Variants in MINDY1 observed in about 807,000 individuals in gnomAD.
MINDY1 encodes the protein ubiquitin carboxyl-terminal hydrolase MINDY-1.
MINDY1 carries 50 observed loss-of-function variants against 53.6 expected under a neutral mutation model. The observed-to-expected ratio is 0.93, with a 90% CI of 0.74 to 1.18. The LOEUF (loss-of-function observed/expected upper bound fraction) is 1.18, where lower values mean the gene tolerates loss of function less well. Among genes scored for constraint, MINDY1 ranks in the 50% most tolerant of loss-of-function variants. The pLI is 0.00. For missense variants in MINDY1, 484 were observed against 578.6 expected (o/e 0.84, Z 1.68); for synonymous variants, 231 against 234.7 (o/e 0.98, Z 0.14).
rs771202 is a variant in MINDY1, at chr1:150,997,091, A to G, written c.*196T>C. On this transcript the variant is annotated 3_prime_UTR_variant, in exon 10 of 10. Coordinates refer to ENST00000683666, the MANE Select transcript of MINDY1 (RefSeq NM_001376665.1). Reference sequence around the variant, plus strand: ...CCCACCAATCCTAGTGTTGCCCTGGATGGGAGGCAGAGAAGGCAGCAGCAC... The same window carrying G: ...CCCACCAATCCTAGTGTTGCCCTGGGTGGGAGGCAGAGAAGGCAGCAGCAC... The G allele has an allele frequency of 0.98, 608,565 of 619,378 alleles. 299,732 individuals are homozygous for G. The highest frequency in any genetic ancestry group is 1 in the East Asian group (35,982 of 35,982). The allele number at this position is 619,378 out of a possible 1,614,324, so 38.4% of individuals were successfully genotyped here.
chr1:150,997,136 C>T lies in MINDY1; in HGVS notation c.*151G>A. ...CAGCACGTGAGGTCAAGGACATTAC[C>T]AAGTCTGACCTTGGCATTTGTTGCC... On this transcript the variant is annotated 3_prime_UTR_variant, in exon 10 of 10. Coordinates refer to ENST00000683666, the MANE Select transcript of MINDY1 (RefSeq NM_001376665.1). 2.6e-6 allele frequency: 2 copies of T among 767,196 alleles called. No individual in the cohort carries two copies. The allele number at this position is 767,196 out of a possible 1,614,324, so 47.5% of individuals were successfully genotyped here. A position where few individuals can be genotyped will look rare whatever the true frequency, so the allele number is the denominator to read the frequency against.
In MINDY1 at chr1:150,998,234, G is replaced by T. The variant is rs766767972; in HGVS notation, c.1021C>A (p.Gln341Lys). 6.5e-5 allele frequency: 105 copies of T among 1,614,046 alleles called. No homozygotes were observed. Among genetic ancestry groups the T allele is most frequent in the Non-Finnish European group, 8.6e-5 (101 of 1,180,038 alleles). Residue 341 changes from glutamine to lysine, a missense_variant, in exon 8 of 10, where the codon CAG becomes AAG. By Grantham distance (53) the Gln-to-Lys change is moderately conservative. Transcript: ENST00000683666. ...CTCTCCCATACGACTTGCTCCTCCT[G>T]TAGAAAGCCCTGGTCAGTGACCAGT... ...YLLVTDQGFLQEEQVVWESLH... is the reference protein window; with the variant it reads ...YLLVTDQGFLKEEQVVWESLH...
intron 1 of MINDY1, among the ~76,000 whole-genome samples, chr1:151,003,597 A>G (rs1449749889): frequency 6.6e-6 from 1 of 152,110 alleles, no homozygotes; most frequent in Non-Finnish European, 1.5e-5. Flanking sequence ...TTAAACTGAG[A>G]CAGGGTCTTG....
At chr1:150,998,045 A>C in intron 8 of MINDY1, 37 bp downstream of exon 8, 1 of 1,574,782 alleles carries the variant, frequency 6.4e-7, no homozygotes, top group Non-Finnish European at 8.6e-7. Context: ...TCTGAGGCAC[A>C]TGTGCTCTCT....
rs1401617814 is a variant in MINDY1, at chr1:150,999,987, G to T, written c.736-23C>A. On this transcript the variant is annotated intron_variant, in intron 5 of 9. Coordinates refer to ENST00000683666, the MANE Select transcript of MINDY1 (RefSeq NM_001376665.1). The surrounding 1 kb of genome is among the most constrained non-coding windows in gnomAD (Gnocchi z 4.4). Reference sequence around the variant, plus strand: ...ACTCTGCTTGGGTAGTGGGATGTGGGATACCAAAAAAATTGGGATTTTTTT... The same window carrying T: ...ACTCTGCTTGGGTAGTGGGATGTGGTATACCAAAAAAATTGGGATTTTTTT... 2 of 1,580,248 alleles carry T rather than the reference G, an allele frequency of 1.3e-6. No individual in the cohort carries two copies. Among genetic ancestry groups the T allele is most frequent in the Admixed American group, 1.7e-5 (1 of 57,912 alleles).
intron 7 of MINDY1, 144 bp from the exon 8 acceptor site, chr1:150,998,417 C>G: frequency 1.4e-6 from 1 of 739,128 alleles, no homozygotes; most frequent in Non-Finnish European, 2.2e-6. Context: ...TGCAGTGGCA[C>G]AATCTCTGCT....
intron 5 of MINDY1, 92 bp from the exon 6 acceptor site, chr1:151,000,056 A>C (rs774737788): frequency 6.3e-5 from 57 of 910,408 alleles, no homozygotes; most frequent in Non-Finnish European, 9.5e-5. Context: ...CAAGGACTAC[A>C]ACCCTGTGAT....
Position 151,006,374 on chromosome 1 carries a change from G to A in MINDY1, c.-152C>T. 2.9e-6 allele frequency: 4 copies of A among 1,384,660 alleles called. No homozygotes were observed. Among genetic ancestry groups the A allele is most frequent in the Non-Finnish European group, 3.7e-6 (4 of 1,068,934 alleles). 85.8% of individuals were successfully genotyped at this position (1,384,660 alleles called of 1,614,324 possible). A position where few individuals can be genotyped will look rare whatever the true frequency, so the allele number is the denominator to read the frequency against. On this transcript the variant is annotated 5_prime_UTR_variant, in exon 1 of 10. Coordinates refer to ENST00000683666, the MANE Select transcript of MINDY1 (RefSeq NM_001376665.1). Reference sequence around the variant, plus strand: ...GGGTTCAGCCGTGGCAATGAGATGGGGGAGATAGGTGCAATGAAGGGGGCT... The same window carrying A: ...GGGTTCAGCCGTGGCAATGAGATGGAGGAGATAGGTGCAATGAAGGGGGCT...
chr1:151,000,554 C>T lies in MINDY1; in HGVS notation c.638G>A (p.Arg213Gln), dbSNP rs763180581. The change falls in exon 5 of 10, where the codon CGA becomes CAA. Residue 213 changes from arginine (R) to glutamine (Q), a missense_variant. Transcript: ENST00000683666. ...KLATGLDVNVRFTGVSDFEYT... is the reference protein window; with the variant it reads ...KLATGLDVNVQFTGVSDFEYT... ...CTCAAAATCAGAGACGCCTGTGAAT[C>T]GCACATTGACATCCAGACCTGTGGC... 5.0e-6 allele frequency: 8 copies of T among 1,614,020 alleles called. No homozygotes were observed. The highest frequency in any genetic ancestry group is 1.3e-5 in the African/African-American group (1 of 74,918).
At chr1:151,000,045 A>G in intron 5 of MINDY1, 81 bp from the exon 6 acceptor site, 1 of 1,020,872 alleles carries the variant, frequency 9.8e-7, no homozygotes, top group Non-Finnish European at 1.5e-6. Context: ...AACAAAGCTC[A>G]CAAGGACTAC....
At position 151,002,153 on chromosome 1, in the gene MINDY1, A is replaced by C. The variant is rs763453502; in HGVS notation, c.453+12T>G. On this transcript the variant is annotated intron_variant, in intron 2 of 9. Coordinates refer to ENST00000683666, the MANE Select transcript of MINDY1 (RefSeq NM_001376665.1). The surrounding 1 kb of genome is among the most constrained non-coding windows in gnomAD (Gnocchi z 4.1). ...TGATATTTTTTGCACCCCTAACTGC[A>C]TGTTCTCTTACCTTCCACTGAAGAA... 4.4e-6 allele frequency: 7 copies of C among 1,589,926 alleles called. No individual in the cohort carries two copies. Among genetic ancestry groups the C allele is most frequent in the Non-Finnish European group, 6.0e-6 (7 of 1,167,236 alleles).
Position 151,006,718 on chromosome 1 carries a change from C to T in MINDY1, c.-496G>A. On this transcript the variant is annotated 5_prime_UTR_variant, in exon 1 of 10. Transcript: ENST00000683666. ...CTCATCAGGACGAAGAAAAATTAGG[C>T]AAGGACAAGCTCCCTGGAGGAGGAG... The T allele has an allele frequency of 1.0e-6, 1 of 985,618 alleles. No homozygotes were observed. Among genetic ancestry groups the T allele is most frequent in the Non-Finnish European group, 1.2e-6 (1 of 830,054 alleles). 61.1% of individuals were successfully genotyped at this position (985,618 alleles called of 1,614,324 possible).
chr1:151,005,264 T>C lies in MINDY1; in HGVS notation c.-90+1048A>G, dbSNP rs587623232. ...GTCAGGAGCTCAAGATCGGCCTGGC[T>C]AACATGGCGAAACCCCATCTCTACT... On this transcript the variant is annotated intron_variant, in intron 1 of 9. Coordinates refer to ENST00000683666, the MANE Select transcript of MINDY1 (RefSeq NM_001376665.1). 3.3e-5 allele frequency among the ~76,000 whole-genome samples: 5 copies of C among 152,016 alleles called. No individual in the cohort carries two copies. In the South Asian group the frequency reaches 1.0e-3, roughly 32 times the overall value.
chr1:151,001,330 C>T lies in MINDY1; in HGVS notation c.512-16G>A, dbSNP rs756081329. 1.0e-4 allele frequency: 161 copies of T among 1,613,758 alleles called. No individual in the cohort carries two copies. The highest frequency in any genetic ancestry group is 1.3e-4 in the Non-Finnish European group (149 of 1,179,896). On this transcript the variant is annotated splice_polypyrimidine_tract_variant and intron_variant, in intron 3 of 9. Coordinates refer to ENST00000683666, the MANE Select transcript of MINDY1 (RefSeq NM_001376665.1). The stretch of plus-strand genomic sequence containing the variant: ...AGGCAGTTTCCTACAAGACAGGGCC[C>T]CTTATCAGCTTACCCCACCAATCAT...
At chr1:151,000,749 G>T (rs895604006) in intron 4 of MINDY1, 134 bp from the exon 5 acceptor site, 3 of 933,484 alleles carry the variant, frequency 3.2e-6, no homozygotes, top group African/African-American at 1.7e-5. Flanking sequence ...TTTCTCCCTT[G>T]CCTCAACCCT....
chr1:151,001,866 C>A, intron 2 of MINDY1, 84 bp from the exon 3 acceptor site: 1 of 1,453,050 alleles, frequency 6.9e-7, no homozygotes, highest in South Asian at 1.3e-5. Context: ...AGGGGGAGCT[C>A]CAGTAGTAGG....
At chr1:151,005,235 T>C (rs1213378575) in intron 1 of MINDY1, among the ~76,000 whole-genome samples, 1 of 151,958 alleles carries the variant, frequency 6.6e-6, no homozygotes, top group Non-Finnish European at 1.5e-5. Flanking sequence ...GCGGATCACC[T>C]GAGGTCAGGA....
intron 5 of MINDY1, 119 bp from the exon 6 acceptor site, chr1:151,000,083 C>CTTT: frequency 1.8e-6 from 1 of 544,386 alleles, no homozygotes; most frequent in Non-Finnish European, 3.0e-6. Context: ...TTCCTAAACA[C>CTTT]TTTTTTTTTT....
intron 3 of MINDY1, 135 bp from the exon 4 acceptor site, chr1:151,001,449 G>A (rs1051375720): frequency 1.3e-5 from 14 of 1,079,716 alleles, no homozygotes; most frequent in Non-Finnish European, 1.9e-5. Context: ...GTCTAATCCA[G>A]ACTCTTCATT....
Sources: allele counts gnomAD v4.1 joint callset (sites outside exome capture counted in the v4.1 genomes callset), GRCh38; gene constraint gnomAD v4.1.1; non-coding constraint Gnocchi (gnomAD v3.1); transcripts MANE v1.5; gene names NCBI Gene and HGNC (gene_info 2026-07-23, HGNC 2026-07-21).